Variants in RGS12 observed in about 807,000 individuals in gnomAD.
RGS12 encodes the protein regulator of G protein signaling 12.
A neutral mutation model predicts 120.1 loss-of-function variants in RGS12; 66 were observed. The observed-to-expected ratio is 0.55, with a 90% CI of 0.45 to 0.67. The LOEUF is 0.67. Ranked by LOEUF, RGS12 falls within the 30% of genes least tolerant of loss-of-function variation. The pLI is 0.00. For synonymous variants in RGS12, 827 were observed against 804.7 expected (o/e 1.03, Z -0.47); for missense variants, 1,859 against 1,957.7 (o/e 0.95, Z 0.95).
intron 1 of RGS12, among the ~76,000 whole-genome samples, chr4:3,293,315 C>CGG (rs1553925679): frequency 5.1e-5 from 7 of 136,350 alleles, no homozygotes; most frequent in African/African-American, 8.3e-5. Flanking sequence ...CGGGGCGGGG[C>CGG]GGGGCGGGGG....
At chr4:3,313,112 A>G (rs1724512241) in intron 1 of RGS12, 1 of 152,262 alleles carries the variant, frequency 6.6e-6, no homozygotes, top group African/African-American at 2.4e-5. Context: ...CATGAGTTAC[A>G]AACCATTTCT....
At chr4:3,322,909 T>G (rs1560663154) in intron 2 of RGS12, among the ~76,000 whole-genome samples, 1 of 151,870 alleles carries the variant, frequency 6.6e-6, no homozygotes, top group African/African-American at 2.4e-5. Flanking sequence ...TTTGCAGGAG[T>G]GAGTTCCTTC....
chr4:3,338,127 C>T (rs1005669443), intron 2 of RGS12, among the ~76,000 whole-genome samples: 2 of 152,230 alleles, frequency 1.3e-5, no homozygotes, highest in African/African-American at 4.8e-5. Context: ...GTGGTGTGAA[C>T]TCAGCTCACG....
intron 1 of RGS12, among the ~76,000 whole-genome samples, chr4:3,304,879 C>G (rs1316182354): frequency 6.6e-6 from 1 of 152,258 alleles, no homozygotes; most frequent in Non-Finnish European, 1.5e-5. Context: ...CAGCACACTG[C>G]GTCTGTAGCT....
At chr4:3,388,750 G>A (rs1375464217) in intron 4 of RGS12, among the ~76,000 whole-genome samples, 1 of 152,248 alleles carries the variant, frequency 6.6e-6, no homozygotes, top group African/African-American at 2.4e-5. Context: ...CAGGAGCCTG[G>A]GCGGGGTCGG....
chr4:3,413,956 G>A, intron 4 of RGS12, 116 bp from the exon 5 acceptor site: 1 of 1,039,186 alleles, frequency 9.6e-7, no homozygotes, highest in Non-Finnish European at 1.4e-6. Context: ...GACTGAATGG[G>A]TGTTGGAGGG....
chr4:3,386,406 T>C lies in RGS12; in HGVS notation c.1999-10T>C. The C allele has an allele frequency of 1.2e-6, 2 of 1,611,960 alleles. No individual in the cohort carries two copies. Among genetic ancestry groups the C allele is most frequent in the South Asian group, 1.1e-5 (1 of 91,026 alleles). The stretch of plus-strand genomic sequence containing the variant: ...TTAATTAACTCATGTCTCTCTCTCT[T>C]TTCTTTCAGTCTGCAACTGTGTCTG... On this transcript the variant is annotated splice_polypyrimidine_tract_variant and intron_variant, in intron 3 of 17. Transcript: ENST00000336727.
intron 1 of RGS12, among the ~76,000 whole-genome samples, chr4:3,297,186 G>A (rs1454279367): frequency 6.6e-6 from 1 of 152,196 alleles, no homozygotes; most frequent in African/African-American, 2.4e-5. Flanking sequence ...TAATCATGGT[G>A]ATACCCGATA....
chr4:3,374,287 C>T lies in RGS12; in HGVS notation c.1999-12129C>T, dbSNP rs567002185. On this transcript the variant is annotated intron_variant, in intron 3 of 17. Transcript: ENST00000336727. This position sits in a 1 kb window ranked among gnomAD's most constrained non-coding sequence, Gnocchi z 6.3. ...CTTGGGCTTCTGCAGCAGCGCCCTC[C>T]GGGTTCCCCTCCTCTCCTCCGACTC... 3.9e-5 allele frequency among the ~76,000 whole-genome samples: 6 copies of T among 152,356 alleles called. No individual in the cohort carries two copies. The East Asian group carries it at 9.6e-4, about 24-fold the overall frequency.
Position 3,414,126 on chromosome 4 carries a change from A to G in RGS12, c.2075A>G (p.Asn692Ser), listed in dbSNP as rs530835530. The G allele has an allele frequency of 7.0e-6, 11 of 1,572,328 alleles. No individual in the cohort carries two copies. The highest frequency in any genetic ancestry group is 3.6e-5 in the Admixed American group (2 of 56,082). The change falls in exon 5 of 18, where the codon AAT becomes AGT. Residue 692 changes from asparagine (N) to serine (S), a missense_variant. By Grantham distance (46) the Asn-to-Ser change is conservative. Coordinates refer to ENST00000336727, the MANE Select transcript of RGS12 (RefSeq NM_001394154.1). ...GTCAGCAACAACAGCCTGAGCAGCA[A>G]TGCCAGCCTCCCCAGCGTGCAGAGC... is the stretch of plus-strand genomic sequence containing the variant. ...DCVSNNSLSSNASLPSVQSCR... is the reference protein window; with the variant it reads ...DCVSNNSLSSSASLPSVQSCR...
rs187292209 is a variant in RGS12 at position 3,357,491 on chromosome 4, A to G, written c.1998+14438A>G. ...AAAACCCTGTTTTCTTCTAAGTTTT[A>G]TAGTTTCAGGTGTTATTTATGTGTT... On this transcript the variant is annotated intron_variant, in intron 3 of 17. Transcript: ENST00000336727. Among the ~76,000 whole-genome samples the G allele has an allele frequency of 2.4e-3, 368 of 152,202 alleles. 3 individuals are homozygous for G. The highest frequency in any genetic ancestry group is 8.3e-3 in the African/African-American group (345 of 41,530).
rs542898103 is a variant in RGS12 at position 3,401,333 on chromosome 4, A to G, written c.2021-12739A>G. On this transcript the variant is annotated intron_variant, in intron 4 of 17. Transcript: ENST00000336727. Reference sequence around the variant, plus strand: ...AAATATTTTATGAATTATGCATTATAATGTCAGTTTATATCCCTTTCAGCC... The same window carrying G: ...AAATATTTTATGAATTATGCATTATGATGTCAGTTTATATCCCTTTCAGCC... Among the ~76,000 whole-genome samples, 99 of 152,314 alleles carry G rather than the reference A, an allele frequency of 6.5e-4. 1 individual carries two copies. In the South Asian group the frequency reaches 0.02, roughly 31 times the overall value.
intron 5 of RGS12, 164 bp from the exon 6 acceptor site, chr4:3,414,588 G>A: frequency 1.6e-6 from 1 of 627,334 alleles, no homozygotes; most frequent in Admixed American, 2.9e-5. Context: ...GCTGGAAGCA[G>A]CAGTGCGGTT....
intron 3 of RGS12, among the ~76,000 whole-genome samples, chr4:3,360,927 T>A (rs770074774): frequency 1.3e-5 from 2 of 152,180 alleles, no homozygotes; most frequent in African/African-American, 4.8e-5. Context: ...TGAGAAAGTT[T>A]CCAGGCAAAT....
At chr4:3,383,940 G>A (rs746908918) in intron 3 of RGS12, among the ~76,000 whole-genome samples, 23 of 152,204 alleles carry the variant, frequency 1.5e-4, no homozygotes, top group African/African-American at 1.7e-4. Flanking sequence ...TAAATGCTGC[G>A]TGTATAGAGG....
chr4:3,429,802 G>A (rs1724051601), intron 16 of RGS12, among the ~76,000 whole-genome samples: 1 of 152,206 alleles, frequency 6.6e-6, no homozygotes, highest in South Asian at 2.1e-4. Flanking sequence ...GAGAGGGAGA[G>A]CACGTGTTGC....
intron 3 of RGS12, among the ~76,000 whole-genome samples, chr4:3,360,629 C>T (rs114760263): frequency 0.03 from 4,627 of 152,176 alleles, 218 homozygotes; most frequent in African/African-American, 0.099. Context: ...AAGAAAGTTA[C>T]AGATATATCT....
At chr4:3,296,696 G>T (rs1723402377) in intron 1 of RGS12, among the ~76,000 whole-genome samples, 1 of 152,212 alleles carries the variant, frequency 6.6e-6, no homozygotes, top group Admixed American at 6.5e-5. Context: ...TTGTGTGCGA[G>T]GAGCACCCGT....
At chr4:3,388,225 G>T (rs1335193001) in intron 4 of RGS12, among the ~76,000 whole-genome samples, 1 of 6,368 alleles carries the variant, frequency 1.6e-4, no homozygotes, top group Non-Finnish European at 2.9e-4. Context: ...GGAGGAGACG[G>T]GAGGGAGGAG....
Sources: allele counts gnomAD v4.1 joint callset (sites outside exome capture counted in the v4.1 genomes callset), GRCh38; gene constraint gnomAD v4.1.1; non-coding constraint Gnocchi (gnomAD v3.1); transcripts MANE v1.5; gene names NCBI Gene and HGNC (gene_info 2026-07-23, HGNC 2026-07-21).